ROBO2: variants seen among roughly 807,000 people sequenced by gnomAD.
ROBO2 encodes roundabout guidance receptor 2.
In ROBO2, 53 loss-of-function variants were observed where a neutral mutation model predicts 160.8. The ratio of observed to expected loss-of-function variants is 0.33; its 90% CI spans 0.26 to 0.41. The LOEUF (loss-of-function observed/expected upper bound fraction) is 0.41, where lower values mean the gene tolerates loss of function less well. ROBO2 is among the 10% of genes least tolerant of loss of function. The pLI is 1.00. For synonymous variants in ROBO2, 664 were observed against 611.7 expected (o/e 1.09, Z -1.26); for missense variants, 1,577 against 1,722.4 (o/e 0.92, Z 1.49).
intron 5 of ROBO2, among the ~76,000 whole-genome samples, chr3:77,510,394 T>G (rs2089236929): frequency 6.6e-6 from 1 of 152,090 alleles, no homozygotes; most frequent in African/African-American, 2.4e-5. Context: ...GTCTGTGAAC[T>G]GAATAAGTGA....
intron 2 of ROBO2, among the ~76,000 whole-genome samples, chr3:77,328,605 A>G (rs1388550751): frequency 2.0e-5 from 3 of 152,190 alleles, no homozygotes; most frequent in African/African-American, 7.2e-5. Context: ...GCCTGGCGTT[A>G]ACAATAATGG....
At chr3:76,894,935 C>T (rs2074649886) in intron 2 of ROBO2, among the ~76,000 whole-genome samples, 2 of 151,930 alleles carry the variant, frequency 1.3e-5, no homozygotes, top group South Asian at 4.1e-4. Flanking sequence ...TTAAGTAACA[C>T]AGTTTGGTTT....
chr3:77,545,224 A>AG (rs1414203930), intron 6 of ROBO2, among the ~76,000 whole-genome samples: 15 of 152,182 alleles, frequency 9.9e-5, no homozygotes, highest in East Asian at 1.9e-4. Flanking sequence ...CCTCAGTTTG[A>AG]CTTCTGAAAC....
At chr3:77,210,386 C>T (rs2083972533) in intron 2 of ROBO2, among the ~76,000 whole-genome samples, 1 of 151,696 alleles carries the variant, frequency 6.6e-6, no homozygotes, top group African/African-American at 2.4e-5. Flanking sequence ...ACAAACAAGA[C>T]ATAGGTTAAA....
intron 1 of ROBO2, among the ~76,000 whole-genome samples, chr3:75,910,935 C>T (rs182240704): frequency 6.6e-6 from 1 of 151,404 alleles, no homozygotes; most frequent in Admixed American, 6.6e-5. Context: ...TTATTAAAAC[C>T]TTAAATAATA....
chr3:77,317,175 C>A, intron 2 of ROBO2: 1 of 942,740 alleles, frequency 1.1e-6, no homozygotes, highest in Non-Finnish European at 1.8e-6. Context: ...CCCTGTAACC[C>A]GGCACTAGAG....
intron 2 of ROBO2, among the ~76,000 whole-genome samples, chr3:76,091,646 T>C (rs1223873899): frequency 6.6e-6 from 1 of 152,210 alleles, no homozygotes; most frequent in Non-Finnish European, 1.5e-5. Flanking sequence ...GGCAGCTTCA[T>C]TCATAATTGC....
chr3:76,832,800 C>T (rs755914810), intron 2 of ROBO2, among the ~76,000 whole-genome samples: 1 of 151,910 alleles, frequency 6.6e-6, no homozygotes, highest in African/African-American at 2.4e-5. Context: ...TTGTTCAGGG[C>T]GGATGTTACA....
chr3:77,204,778 C>T (rs577881525), intron 2 of ROBO2, among the ~76,000 whole-genome samples: 1 of 152,274 alleles, frequency 6.6e-6, no homozygotes, highest in African/African-American at 2.4e-5. Flanking sequence ...GACAGATTAT[C>T]CATGTTGTTT....
intron 2 of ROBO2, among the ~76,000 whole-genome samples, chr3:76,952,763 C>T (rs899265958): frequency 6.6e-6 from 1 of 151,836 alleles, no homozygotes; most frequent in African/African-American, 2.4e-5. Flanking sequence ...AATTCATACA[C>T]TATATTTGTT....
intron 2 of ROBO2, among the ~76,000 whole-genome samples, chr3:76,752,406 G>A (rs2060723093): frequency 6.7e-6 from 1 of 150,250 alleles, no homozygotes; most frequent in South Asian, 2.1e-4. Context: ...ACCACGTTGT[G>A]CACATGTACC....
chr3:77,625,556 T>G (rs1476474775), intron 23 of ROBO2, among the ~76,000 whole-genome samples: 1 of 152,136 alleles, frequency 6.6e-6, no homozygotes, highest in Non-Finnish European at 1.5e-5. Flanking sequence ...TTTTGTATTT[T>G]TAGTAGAGAC....
intron 2 of ROBO2, among the ~76,000 whole-genome samples, chr3:76,695,280 A>G (rs889142429): frequency 2.0e-5 from 3 of 152,200 alleles, no homozygotes; most frequent in African/African-American, 7.2e-5. Flanking sequence ...ATCAGTGGGA[A>G]GATAGTGTAC....
intron 2 of ROBO2, among the ~76,000 whole-genome samples, chr3:76,516,765 C>T (rs139608439): frequency 6.6e-5 from 10 of 152,132 alleles, no homozygotes; most frequent in Middle Eastern, 3.4e-3. Context: ...ACAAGCATTC[C>T]GACCTAAAAA....
At chr3:76,486,994 G>T (rs548275173) in intron 2 of ROBO2, among the ~76,000 whole-genome samples, 1 of 152,234 alleles carries the variant, frequency 6.6e-6, no homozygotes, top group African/African-American at 2.4e-5. Context: ...TTCAGAGACA[G>T]GGTCTCGCTT....
At chr3:76,817,623 G>T (rs908695807) in intron 2 of ROBO2, among the ~76,000 whole-genome samples, 1 of 151,980 alleles carries the variant, frequency 6.6e-6, no homozygotes, top group African/African-American at 2.4e-5. Context: ...CACCCAATGT[G>T]TAGTCTCCTG....
chr3:76,261,168 A>ATG (rs66742168), intron 2 of ROBO2, among the ~76,000 whole-genome samples: 10,673 of 122,688 alleles, frequency 0.087, 556 homozygotes, highest in East Asian at 0.22. Context: ...AAACTAAATT[A>ATG]TGTGTGTGTG....
At chr3:77,306,636 G>T (rs866796402) in intron 2 of ROBO2, among the ~76,000 whole-genome samples, 1 of 152,074 alleles carries the variant, frequency 6.6e-6, no homozygotes. Flanking sequence ...TTAAAATCAT[G>T]GTCTAAAAAG....
intron 2 of ROBO2, among the ~76,000 whole-genome samples, chr3:76,244,169 A>G (rs982569574): frequency 4.6e-5 from 7 of 152,222 alleles, no homozygotes; most frequent in African/African-American, 1.4e-4. Flanking sequence ...GAGAGATTCA[A>G]TGTACACAGC....
Sources: allele counts gnomAD v4.1 joint callset (sites outside exome capture counted in the v4.1 genomes callset), GRCh38; gene constraint gnomAD v4.1.1; transcripts MANE v1.5; gene names NCBI Gene and HGNC (gene_info 2026-07-23, HGNC 2026-07-21).